The following SUMF1 variants were observed in gnomAD, a reference collection of about 807,000 sequenced individuals.
The protein encoded by SUMF1 is formylglycine-generating enzyme.
A neutral mutation model predicts 47.6 loss-of-function variants in SUMF1; 48 were observed. The ratio of observed to expected loss-of-function variants is 1.01; its 90% CI spans 0.80 to 1.28. SUMF1 has a LOEUF of 1.28. Among genes scored for constraint, SUMF1 ranks in the 50% most tolerant of loss-of-function variants. The pLI is 0.00. For synonymous variants in SUMF1, 230 were observed against 192.1 expected (o/e 1.20, Z -1.63); for missense variants, 571 against 485.4 (o/e 1.18, Z -1.66).
chr3:4,285,025 G>C (rs758866974), intron 8 of SUMF1, among the ~76,000 whole-genome samples: 1 of 152,062 alleles, frequency 6.6e-6, no homozygotes, highest in Non-Finnish European at 1.5e-5. Context: ...AGTAAGATGA[G>C]GCTTTCTTCT....
chr3:4,099,621 C>T (rs1692985340), intron 8 of SUMF1, among the ~76,000 whole-genome samples: 1 of 151,930 alleles, frequency 6.6e-6, no homozygotes, highest in African/African-American at 2.4e-5. Flanking sequence ...AGTGATTAGG[C>T]AAGAGAAAGA....
At chr3:4,411,947 C>T (rs1701556965) in intron 6 of SUMF1, among the ~76,000 whole-genome samples, 2 of 152,066 alleles carry the variant, frequency 1.3e-5, no homozygotes, top group African/African-American at 4.8e-5. Flanking sequence ...AATGAATAAA[C>T]TAAAATTCAT....
rs1026616854 is a variant in SUMF1 at position 4,435,912 on chromosome 3, A to C, written c.519+13354T>G. 3.9e-5 allele frequency among the ~76,000 whole-genome samples: 6 copies of C among 152,358 alleles called. No homozygotes were observed. The South Asian group carries it at 6.2e-4, about 16-fold the overall frequency. The stretch of plus-strand genomic sequence containing the variant: ...CTGAAGAGAAATGATACCAGAAGGA[A>C]ACATGGAACTTTAGGAATGAAGGAA... On this transcript the variant is annotated intron_variant, in intron 3 of 8. Transcript: ENST00000272902.
chr3:4,329,858 T>C (rs1297731145), intron 8 of SUMF1, among the ~76,000 whole-genome samples: 2 of 152,098 alleles, frequency 1.3e-5, no homozygotes, highest in South Asian at 2.1e-4. Flanking sequence ...TTCCAAACCA[T>C]AATTTTGTGA....
At chr3:4,127,329 A>T (rs1021404508) in intron 8 of SUMF1, among the ~76,000 whole-genome samples, 2 of 152,160 alleles carry the variant, frequency 1.3e-5, no homozygotes, top group Non-Finnish European at 2.9e-5. Flanking sequence ...GATCGGAATG[A>T]AGAATACAAA....
chr3:4,347,650 C>A (rs149101582), intron 8 of SUMF1, among the ~76,000 whole-genome samples: 2,790 of 152,320 alleles, frequency 0.018, 41 homozygotes, highest in Middle Eastern at 0.031. Flanking sequence ...TCTCACCACT[C>A]TTATTCAACA....
chr3:4,335,978 A>AAAAAAAAAAAAAC (rs1559230862), intron 8 of SUMF1, among the ~76,000 whole-genome samples: 13 of 151,000 alleles, frequency 8.6e-5, no homozygotes, highest in African/African-American at 2.9e-4. Context: ...AAAAAAAAAA[A>AAAAAAAAAAAAAC]AACAGAAAAA....
chr3:4,341,194 TCTC>T (rs1699265309), intron 8 of SUMF1, among the ~76,000 whole-genome samples: 1 of 152,000 alleles, frequency 6.6e-6, no homozygotes, highest in Admixed American at 6.6e-5. Context: ...CCAGATTTGT[TCTC>T]CTCAGTCACA....
chr3:4,083,350 G>A (rs1227106364), intron 8 of SUMF1, among the ~76,000 whole-genome samples: 1 of 152,092 alleles, frequency 6.6e-6, no homozygotes, highest in Non-Finnish European at 1.5e-5. Flanking sequence ...CCTGAAGGCA[G>A]CAAAAGTTCA....
intron 8 of SUMF1, among the ~76,000 whole-genome samples, chr3:4,287,572 A>C (rs1697658142): frequency 6.6e-6 from 1 of 152,180 alleles, no homozygotes; most frequent in Non-Finnish European, 1.5e-5. Flanking sequence ...CAATTACCAA[A>C]AACACAGCTT....
At chr3:4,397,653 G>A (rs148625150) in intron 7 of SUMF1, among the ~76,000 whole-genome samples, 81 of 152,186 alleles carry the variant, frequency 5.3e-4, no homozygotes, top group Non-Finnish European at 8.8e-4. Context: ...AATTCTGTAT[G>A]TTCTGCTGCT....
chr3:4,194,807 A>T (rs1045966670), intron 8 of SUMF1, among the ~76,000 whole-genome samples: 23 of 152,208 alleles, frequency 1.5e-4, no homozygotes, highest in African/African-American at 5.5e-4. Flanking sequence ...CGGTCAATAC[A>T]GTTCCCATAT....
intron 8 of SUMF1, chr3:4,303,321 C>A: frequency 6.8e-7 from 1 of 1,470,434 alleles, no homozygotes; most frequent in South Asian, 1.5e-5. Flanking sequence ...CCAGCATCCA[C>A]CGCGCGGCCC....
At chr3:4,371,554 T>C (rs1193138462) in intron 8 of SUMF1, among the ~76,000 whole-genome samples, 3 of 152,240 alleles carry the variant, frequency 2.0e-5, no homozygotes, top group Non-Finnish European at 4.4e-5. Flanking sequence ...TTCCCGTCCG[T>C]TGCTCTTGCC....
chr3:4,184,187 G>A (rs373225369), intron 8 of SUMF1, among the ~76,000 whole-genome samples: 1 of 151,716 alleles, frequency 6.6e-6, no homozygotes, highest in African/African-American at 2.4e-5. Context: ...CAAGTGTGGT[G>A]GCTCATGCCT....
intron 9 of SUMF1, among the ~76,000 whole-genome samples, chr3:4,041,058 A>C (rs977112535): frequency 1.3e-5 from 2 of 152,020 alleles, no homozygotes; most frequent in Admixed American, 1.3e-4. Context: ...AATCAATGCA[A>C]CCATTCTTTT....
At chr3:4,116,648 G>A (rs1693429597) in intron 8 of SUMF1, among the ~76,000 whole-genome samples, 1 of 152,000 alleles carries the variant, frequency 6.6e-6, no homozygotes, top group Non-Finnish European at 1.5e-5. Flanking sequence ...TCTTTTATAT[G>A]AAAAGCAATA....
chr3:4,171,832 G>A (rs1195742315), intron 8 of SUMF1, among the ~76,000 whole-genome samples: 17 of 152,128 alleles, frequency 1.1e-4, no homozygotes, highest in Admixed American at 1.1e-3. Context: ...GAAAAAGCAA[G>A]TTCTTCCATA....
At chr3:4,097,569 A>G (rs1692934998) in intron 8 of SUMF1, among the ~76,000 whole-genome samples, 1 of 152,018 alleles carries the variant, frequency 6.6e-6, no homozygotes, top group African/African-American at 2.4e-5. Flanking sequence ...ACAAAAACAA[A>G]AACAAAAAAC....
Sources: gnomAD v4.1 joint callset for allele counts (sites outside exome capture counted in the v4.1 genomes callset) on GRCh38, gnomAD v4.1.1 for gene constraint, MANE v1.5 for transcripts, NCBI Gene and HGNC (gene_info 2026-07-23, HGNC 2026-07-21) for gene names.